LRP10: variants seen among roughly 807,000 people sequenced by gnomAD.
The protein encoded by LRP10 is low-density lipoprotein receptor-related protein 10.
In LRP10, 42 loss-of-function variants were observed where a neutral mutation model predicts 58.5. The ratio of observed to expected loss-of-function variants is 0.72; its 90% CI spans 0.56 to 0.93. LRP10 has a LOEUF of 0.93. LRP10 is among the 40% of genes least tolerant of loss of function. LRP10 has a pLI of 0.00. For synonymous variants in LRP10, 377 were observed against 388.5 expected (o/e 0.97, Z 0.35); for missense variants, 872 against 940.1 (o/e 0.93, Z 0.95).
rs534628596 is a variant in LRP10, at chr14:22,878,947, G to A, written c.*1420G>A. 285 of 286,584 alleles carry A rather than the reference G, an allele frequency of 9.9e-4. 1 individual carries two copies. The Middle Eastern group carries it at 0.016, about 16-fold the overall frequency. The allele number at this position is 286,584 out of a possible 1,614,324, so 17.8% of individuals were successfully genotyped here. On this transcript the variant is annotated 3_prime_UTR_variant, in exon 7 of 7. Coordinates refer to ENST00000359591, the MANE Select transcript of LRP10 (RefSeq NM_014045.5). ...GGCAGAAGATGTAGAAGGAAGCTGT[G>A]GGGGTGGGAGTGATGCCTCAGGAAC...
In LRP10 at chr14:22,880,092, G is replaced by A. The variant is rs758026104; in HGVS notation, c.*2565G>A. ...AGCCTAAGATAAAAGAAGATACCAG[G>A]GCTGGGCCACGGTGGCTTTCGCCTG... On this transcript the variant is annotated 3_prime_UTR_variant, in exon 7 of 7. Coordinates refer to ENST00000359591, the MANE Select transcript of LRP10 (RefSeq NM_014045.5). 2 of 152,172 alleles carry A rather than the reference G, an allele frequency of 1.3e-5. No individual in the cohort carries two copies. The highest frequency in any genetic ancestry group is 2.9e-5 in the Non-Finnish European group (2 of 68,086). 9.4% of individuals were successfully genotyped at this position (152,172 alleles called of 1,614,324 possible).
rs778875528 is a variant in LRP10, at chr14:22,881,318, C to G, written c.*3791C>G. The G allele has an allele frequency of 2.0e-5, 3 of 152,084 alleles. No individual in the cohort carries two copies. Among genetic ancestry groups the G allele is most frequent in the Non-Finnish European group, 4.4e-5 (3 of 68,012 alleles). 9.4% of individuals were successfully genotyped at this position (152,084 alleles called of 1,614,324 possible). A position where few individuals can be genotyped will look rare whatever the true frequency, so the allele number is the denominator to read the frequency against. On this transcript the variant is annotated 3_prime_UTR_variant, in exon 7 of 7. Transcript: ENST00000359591. Reference sequence around the variant, plus strand: ...ATGATCGCACCACTGCAGTCCAGCCCGAGCAATAGGGTGAGACCCTCCCTC... The same window carrying G: ...ATGATCGCACCACTGCAGTCCAGCCGGAGCAATAGGGTGAGACCCTCCCTC...
intron 2 of LRP10, chr14:22,873,010 A>G (rs1474871516): frequency 6.6e-6 from 4 of 607,100 alleles, no homozygotes; most frequent in African/African-American, 1.9e-5. Flanking sequence ...CGTCCTAACC[A>G]GGATGTAGTC....
In LRP10 at chr14:22,872,078, C is replaced by A. The variant is rs2039959510; in HGVS notation, c.-226C>A. The stretch of plus-strand genomic sequence containing the variant: ...CGGGAGAGAAGAGTGCGGCGGCGGA[C>A]GGAGAAAACAACTCCAAAGTTGGCG... On this transcript the variant is annotated 5_prime_UTR_variant, in exon 1 of 7. Transcript: ENST00000359591. 1.7e-6 allele frequency: 1 copy of A among 591,590 alleles called. No individual in the cohort carries two copies. The highest frequency in any genetic ancestry group is 1.9e-5 in the African/African-American group (1 of 52,504). The allele number at this position is 591,590 out of a possible 1,614,324, so 36.6% of individuals were successfully genotyped here.
rs535018746 is a variant in LRP10 at position 22,877,919 on chromosome 14, T to C, written c.*392T>C. On this transcript the variant is annotated 3_prime_UTR_variant, in exon 7 of 7. Transcript: ENST00000359591. This position sits in a 1 kb window ranked among gnomAD's most constrained non-coding sequence, Gnocchi z 5.1. ...CGGAATGCCAATTAACTAGAGACCCTCCAGCCCCCAAGGGGAGGATTTGGG... is the reference window on the plus strand; with the variant it reads ...CGGAATGCCAATTAACTAGAGACCCCCCAGCCCCCAAGGGGAGGATTTGGG... 45 of 167,452 alleles carry C rather than the reference T, an allele frequency of 2.7e-4. No individual in the cohort carries two copies. Among genetic ancestry groups the C allele is most frequent in the African/African-American group, 9.7e-4 (41 of 42,188 alleles). The allele number at this position is 167,452 out of a possible 1,614,324, so 10.4% of individuals were successfully genotyped here.
chr14:22,874,513 G>A (rs1419686525), intron 3 of LRP10, among the ~76,000 whole-genome samples: 1 of 152,140 alleles, frequency 6.6e-6, no homozygotes, highest in Non-Finnish European at 1.5e-5. Context: ...AGGGCTCTAG[G>A]ATATATTTTA....
At position 22,877,165 on chromosome 14, in the gene LRP10, G is replaced by A. The variant is rs1374196277; in HGVS notation, c.1780G>A (p.Gly594Ser). Residue 594 changes from glycine to serine, a missense_variant, in exon 7 of 7, where the codon GGT (glycine) becomes AGT (serine). Transcript: ENST00000359591. This position sits in a 1 kb window ranked among gnomAD's most constrained non-coding sequence, Gnocchi z 5.1. Reference sequence around the variant, plus strand: ...TGCTGCTCCCCTTGAGGCCCTAGATGGTGGCACAGGTCCAGCCCGTGAGGG... The same window carrying A: ...TGCTGCTCCCCTTGAGGCCCTAGATAGTGGCACAGGTCCAGCCCGTGAGGG... ...PSAAPLEALDGGTGPAREGGA... is the reference protein window; with the variant it reads ...PSAAPLEALDSGTGPAREGGA... 1.2e-6 allele frequency: 2 copies of A among 1,603,654 alleles called. No individual in the cohort carries two copies. Among genetic ancestry groups the A allele is most frequent in the African/African-American group, 1.3e-5 (1 of 74,714 alleles).
At position 22,877,381 on chromosome 14, in the gene LRP10, C is replaced by T; in HGVS notation, c.1996C>T (p.Leu666=). 6.2e-7 allele frequency: 1 copy of T among 1,613,774 alleles called. No homozygotes were observed. The highest frequency in any genetic ancestry group is 8.5e-7 in the Non-Finnish European group (1 of 1,179,868). The change falls in exon 7 of 7, where the codon CTG becomes TTG. Residue 666 remains leucine (L), a synonymous_variant. Transcript: ENST00000359591. The surrounding 1 kb of genome is among the most constrained non-coding windows in gnomAD (Gnocchi z 5.1). ...CCTGCGAGGCCGCCTGTTGCCCAGC[C>T]TGGGGCCCCCAGGACCAACCCGGAG... The part of the protein sequence containing the change: ...QALRGRLLPS[L]GPPGPTRSPP...
At position 22,872,252 on chromosome 14, in the gene LRP10, G is replaced by C; in HGVS notation, c.-52G>C. 1.2e-6 allele frequency: 2 copies of C among 1,606,832 alleles called. No individual in the cohort carries two copies. Among genetic ancestry groups the C allele is most frequent in the Admixed American group, 1.7e-5 (1 of 60,004 alleles). ...CCCGGGGCTCCGCCGCGACCCCATC[G>C]GGTAGACCACAGAAGCTCCGGGACC... On this transcript the variant is annotated 5_prime_UTR_variant, in exon 1 of 7. Transcript: ENST00000359591.
In LRP10 at chr14:22,876,130, A is replaced by T; in HGVS notation, c.1182A>T (p.Arg394Ser). 1 of 1,614,192 alleles carries T rather than the reference A, an allele frequency of 6.2e-7. No homozygotes were observed. The highest frequency in any genetic ancestry group is 2.2e-5 in the East Asian group (1 of 44,882). ...TCTGTGCTGATGGAGCAGATGAGAG[A>T]CGCTGTCGGCATTGCCAGCCTGGCA... is the stretch of plus-strand genomic sequence containing the variant. ...QTFCADGADE[R>S]RCRHCQPGNF... The change falls in exon 5 of 7, where the codon AGA becomes AGT. Residue 394 changes from arginine (R) to serine (S), a missense_variant. By Grantham distance (110) the Arg-to-Ser change is moderately radical. Coordinates refer to ENST00000359591, the MANE Select transcript of LRP10 (RefSeq NM_014045.5).
rs777985626 is a variant in LRP10 at position 22,877,413 on chromosome 14, T to C, written c.2028T>C (p.Pro676=). The C allele has an allele frequency of 2.5e-6, 4 of 1,613,672 alleles. No individual in the cohort carries two copies. Among genetic ancestry groups the C allele is most frequent in the Non-Finnish European group, 3.4e-6 (4 of 1,179,914 alleles). Residue 676 remains proline (P), a synonymous_variant, in exon 7 of 7, where the codon CCT becomes CCC. Transcript: ENST00000359591. This position sits in a 1 kb window ranked among gnomAD's most constrained non-coding sequence, Gnocchi z 5.1. The stretch of plus-strand genomic sequence containing the variant: ...CCCCAGGACCAACCCGGAGCCCCCC[T>C]GGACCCCACACAGCAGTCCTGGCCC... ...LGPPGPTRSP[P]GPHTAVLALE... is the part of the protein sequence containing the mutation.
In LRP10 at chr14:22,877,391, C is replaced by G; in HGVS notation, c.2006C>G (p.Pro669Arg). 6.2e-7 allele frequency: 1 copy of G among 1,613,790 alleles called. No homozygotes were observed. Among genetic ancestry groups the G allele is most frequent in the South Asian group, 1.1e-5 (1 of 91,052 alleles). ...RGRLLPSLGPPGPTRSPPGPH... is the reference protein window; with the variant it reads ...RGRLLPSLGPRGPTRSPPGPH... The stretch of plus-strand genomic sequence containing the variant: ...CGCCTGTTGCCCAGCCTGGGGCCCC[C>G]AGGACCAACCCGGAGCCCCCCTGGA... Residue 669 changes from proline to arginine, a missense_variant, in exon 7 of 7, where the codon CCA becomes CGA. Coordinates refer to ENST00000359591, the MANE Select transcript of LRP10 (RefSeq NM_014045.5). This position sits in a 1 kb window ranked among gnomAD's most constrained non-coding sequence, Gnocchi z 5.1.
At position 22,876,770 on chromosome 14, in the gene LRP10, G is replaced by T; in HGVS notation, c.1506G>T (p.Gln502His). ...APPSYGQLIA[Q>H]GAIPPVEDFP... ...CTTCCTACGGGCAGCTCATTGCCCA[G>T]GGTGCCATCCCACCTGTAGAAGACT... Residue 502 changes from glutamine to histidine, a missense_variant, in exon 6 of 7, where the codon CAG becomes CAT. Coordinates refer to ENST00000359591, the MANE Select transcript of LRP10 (RefSeq NM_014045.5). 6.2e-7 allele frequency: 1 copy of T among 1,613,804 alleles called. No individual in the cohort carries two copies. Among genetic ancestry groups the T allele is most frequent in the Non-Finnish European group, 8.5e-7 (1 of 1,179,858 alleles).
Position 22,875,814 on chromosome 14 carries a change from C to T in LRP10, c.866C>T (p.Thr289Ile). 1 of 1,614,188 alleles carries T rather than the reference C, an allele frequency of 6.2e-7. No individual in the cohort carries two copies. Among genetic ancestry groups the T allele is most frequent in the Non-Finnish European group, 8.5e-7 (1 of 1,180,036 alleles). Reference sequence around the variant, plus strand: ...GGCCAGGCTGTTGTGTCCTACCACACAGTTGCTTGGAGCAATGGTCGTGGC... The same window carrying T: ...GGCCAGGCTGTTGTGTCCTACCACATAGTTGCTTGGAGCAATGGTCGTGGC... ...LSGQAVVSYH[T>I]VAWSNGRGFN... Residue 289 changes from threonine to isoleucine, a missense_variant, in exon 5 of 7, where the codon ACA (threonine) becomes ATA (isoleucine). Transcript: ENST00000359591.
rs754741685 is a variant in LRP10 at position 22,877,519 on chromosome 14, C to A, written c.2134C>A (p.Leu712Ile). 1 of 1,599,164 alleles carries A rather than the reference C, an allele frequency of 6.3e-7. No individual in the cohort carries two copies. Among genetic ancestry groups the A allele is most frequent in the South Asian group, 1.1e-5 (1 of 89,506 alleles). Reference protein sequence around the residue: ...WVAEAEDEPLLT With the variant: ...WVAEAEDEPLIT ...AGCTGAGGCAGAGGATGAGCCACTG[C>A]TTACCTGAGGGGACCTGGGGGCTCT... Residue 712 changes from leucine to isoleucine, a missense_variant, in exon 7 of 7, where the codon CTT becomes ATT. Leu to Ile is a conservative substitution (Grantham distance 5). Transcript: ENST00000359591. This position sits in a 1 kb window ranked among gnomAD's most constrained non-coding sequence, Gnocchi z 5.1.
chr14:22,874,591 T>TA (rs1374278351), intron 3 of LRP10, among the ~76,000 whole-genome samples: 1 of 152,180 alleles, frequency 6.6e-6, no homozygotes, highest in Non-Finnish European at 1.5e-5. Context: ...TACATTGACT[T>TA]AAAAATAATT....
At chr14:22,872,656 T>C (rs755699845) in intron 1 of LRP10, 82 bp from the exon 2 acceptor site, 1 of 1,391,288 alleles carries the variant, frequency 7.2e-7, no homozygotes, top group African/African-American at 1.4e-5. Context: ...AAGTCCCGGA[T>C]GGCTCCCTTG....
At position 22,875,944 on chromosome 14, in the gene LRP10, C is replaced by T; in HGVS notation, c.996C>T (p.Tyr332=). The T allele has an allele frequency of 6.2e-7, 1 of 1,613,748 alleles. No individual in the cohort carries two copies. Among genetic ancestry groups the T allele is most frequent in the Non-Finnish European group, 8.5e-7 (1 of 1,180,036 alleles). The change falls in exon 5 of 7, where the codon TAC becomes TAT. Residue 332 remains tyrosine (Y), a synonymous_variant. Coordinates refer to ENST00000359591, the MANE Select transcript of LRP10 (RefSeq NM_014045.5). ...GCGAAGGCCTAGGTGAGCGCTGCTA[C>T]AGTGAGGCACAGCGCTGTGACGGCT... ...GAGEGLGERC[Y]SEAQRCDGSW... is the part of the protein sequence containing the mutation.
At position 22,880,918 on chromosome 14, in the gene LRP10, CA is replaced by C. The variant is rs2040055232; in HGVS notation, c.*3392del. ...ACTCGGGAGGCTGAAGCAGGAGAAT[CA>C]CTTGAACCTGGGAGGCAAAGGTTGC... On this transcript the variant is annotated 3_prime_UTR_variant, in exon 7 of 7. Transcript: ENST00000359591. 1 of 152,146 alleles carries C rather than the reference CA, an allele frequency of 6.6e-6. No homozygotes were observed. The highest frequency in any genetic ancestry group is 1.5e-5 in the Non-Finnish European group (1 of 68,068). 9.4% of individuals were successfully genotyped at this position (152,146 alleles called of 1,614,324 possible).
Sources: gnomAD v4.1 joint callset for allele counts (sites outside exome capture counted in the v4.1 genomes callset) on GRCh38, gnomAD v4.1.1 for gene constraint, Gnocchi (gnomAD v3.1) non-coding constraint, MANE v1.5 for transcripts, NCBI Gene and HGNC (gene_info 2026-07-23, HGNC 2026-07-21) for gene names.